Variants in KCNH1 observed in about 807,000 individuals in gnomAD.
KCNH1 encodes potassium voltage-gated channel subfamily H member 1, also known as voltage-gated delayed rectifier potassium channel KCNH1.
In KCNH1, 27 loss-of-function variants were observed where a neutral mutation model predicts 69.2. The ratio of observed to expected loss-of-function variants is 0.39; its 90% CI spans 0.29 to 0.54. KCNH1 has a LOEUF of 0.54. KCNH1 is among the 20% of genes least tolerant of loss of function. KCNH1 has a pLI of 0.68. For missense variants in KCNH1, 798 were observed against 1,261.6 expected, an observed-to-expected ratio of 0.63 and a Z score of 5.57; for synonymous variants, 456 against 487.7, an observed-to-expected ratio of 0.93 and a Z score of 0.86.
At chr1:211,120,032 T>A (rs1390748077) in intron 1 of KCNH1, among the ~76,000 whole-genome samples, 1 of 152,172 alleles carries the variant, frequency 6.6e-6, no homozygotes, top group Admixed American at 6.5e-5. Flanking sequence ...GAAAATGTGT[T>A]GAAATATAGA....
At chr1:210,722,469 A>G (rs577077823) in intron 10 of KCNH1, among the ~76,000 whole-genome samples, 12 of 152,310 alleles carry the variant, frequency 7.9e-5, no homozygotes, top group African/African-American at 2.4e-4. Context: ...GCCAGAACTC[A>G]TGAGAAGGGA....
intron 10 of KCNH1, among the ~76,000 whole-genome samples, chr1:210,732,979 G>A (rs985393891): frequency 6.6e-6 from 1 of 152,184 alleles, no homozygotes. Flanking sequence ...GTCGTTGAGA[G>A]CCCAGGGCAC....
chr1:210,691,454 GAGTA>G (rs760802854), intron 10 of KCNH1, among the ~76,000 whole-genome samples: 1 of 152,270 alleles, frequency 6.6e-6, no homozygotes, highest in South Asian at 2.1e-4. Context: ...AGTGTAGAAA[GAGTA>G]AGTGACTACC....
At chr1:211,116,892 A>G (rs1571660482) in intron 1 of KCNH1, among the ~76,000 whole-genome samples, 1 of 152,176 alleles carries the variant, frequency 6.6e-6, no homozygotes, top group South Asian at 2.1e-4. Context: ...CTAATCCAAT[A>G]TAATAGTAAT....
intron 7 of KCNH1, among the ~76,000 whole-genome samples, chr1:210,892,444 G>A (rs1000332548): frequency 5.3e-5 from 8 of 151,950 alleles, no homozygotes; most frequent in Non-Finnish European, 1.0e-4. Context: ...CAACAGCAAA[G>A]CCTTCCTTGT....
At chr1:210,995,795 T>G (rs1689021288) in intron 6 of KCNH1, among the ~76,000 whole-genome samples, 1 of 152,216 alleles carries the variant, frequency 6.6e-6, no homozygotes, top group Non-Finnish European at 1.5e-5. Flanking sequence ...TTCATGTTTC[T>G]CAGCTTTTGG....
chr1:211,027,213 A>G (rs938895761), intron 5 of KCNH1, among the ~76,000 whole-genome samples: 4 of 152,220 alleles, frequency 2.6e-5, no homozygotes, highest in African/African-American at 4.8e-5. Flanking sequence ...TTTGAAACAA[A>G]TAGAAAGTCT....
intron 10 of KCNH1, among the ~76,000 whole-genome samples, chr1:210,721,292 C>T (rs1391930351): frequency 6.6e-6 from 1 of 152,146 alleles, no homozygotes; most frequent in Non-Finnish European, 1.5e-5. Context: ...TGCTGTAGCT[C>T]TTGGCCACCT....
At chr1:210,949,451 C>T (rs1369812672) in intron 6 of KCNH1, among the ~76,000 whole-genome samples, 1 of 152,190 alleles carries the variant, frequency 6.6e-6, no homozygotes, top group Admixed American at 6.5e-5. Flanking sequence ...GAGATTACCC[C>T]TTTGCTTTAT....
In KCNH1 at chr1:211,105,882, C is replaced by T. The variant is rs150662144; in HGVS notation, c.203+1372G>A. On this transcript the variant is annotated intron_variant, in intron 2 of 10. Transcript: ENST00000271751. ...GAATTATAATGTCTAAACCTTTGAA[C>T]ATTTGAGGGAAGAATCTTCAATTTT... Among the ~76,000 whole-genome samples, 48 of 152,204 alleles carry T rather than the reference C, an allele frequency of 3.2e-4. 1 individual carries two copies. In the East Asian group the frequency reaches 9.1e-3, roughly 29 times the overall value.
In KCNH1 at chr1:210,861,173, T is replaced by C. The variant is rs921275110; in HGVS notation, c.1463-57007A>G. 4.2e-6 allele frequency: 4 copies of C among 955,836 alleles called. No individual in the cohort carries two copies. The African/African-American group carries it at 6.4e-5, about 15-fold the overall frequency. 59.2% of individuals were successfully genotyped at this position (955,836 alleles called of 1,614,324 possible). A position where few individuals can be genotyped will look rare whatever the true frequency, so the allele number is the denominator to read the frequency against. ...GCGTATATACTCGTAAGGGTCTTCTTCCCAAAGTTCCTCATCAGCATCTGT... is the reference window on the plus strand; with the variant it reads ...GCGTATATACTCGTAAGGGTCTTCTCCCCAAAGTTCCTCATCAGCATCTGT... On this transcript the variant is annotated intron_variant, in intron 7 of 10. Coordinates refer to ENST00000271751, the MANE Select transcript of KCNH1 (RefSeq NM_172362.3).
intron 5 of KCNH1, among the ~76,000 whole-genome samples, chr1:211,074,994 G>T (rs938395634): frequency 2.6e-5 from 4 of 152,186 alleles, no homozygotes; most frequent in Admixed American, 2.6e-4. Flanking sequence ...GACTGATACA[G>T]TTAGCTACGT....
At chr1:211,075,740 G>T (rs1166422556) in intron 5 of KCNH1, among the ~76,000 whole-genome samples, 1 of 152,192 alleles carries the variant, frequency 6.6e-6, no homozygotes, top group Non-Finnish European at 1.5e-5. Context: ...TGGACAGTGG[G>T]TGCAGCCCAC....
intron 10 of KCNH1, among the ~76,000 whole-genome samples, chr1:210,761,882 C>T (rs1266091422): frequency 6.6e-6 from 1 of 152,158 alleles, no homozygotes; most frequent in East Asian, 1.9e-4. Context: ...AAATTTGGTA[C>T]TCGACCAATC....
intron 10 of KCNH1, among the ~76,000 whole-genome samples, chr1:210,744,374 G>A (rs527615096): frequency 8.5e-5 from 13 of 152,276 alleles, no homozygotes; most frequent in East Asian, 3.9e-4. Flanking sequence ...AGCCGGACAC[G>A]GTGGCTCACG....
At chr1:210,817,242 C>G (rs1684836430) in intron 7 of KCNH1, among the ~76,000 whole-genome samples, 1 of 152,200 alleles carries the variant, frequency 6.6e-6, no homozygotes, top group Admixed American at 6.5e-5. Context: ...TCTGACAAAA[C>G]TATTCATTTT....
At chr1:211,057,416 G>A (rs893073303) in intron 5 of KCNH1, among the ~76,000 whole-genome samples, 6 of 152,088 alleles carry the variant, frequency 3.9e-5, no homozygotes, top group Non-Finnish European at 2.9e-5. Flanking sequence ...CAGGCAGATC[G>A]CTTGAGCCCA....
chr1:210,899,808 G>A (rs1320711954), intron 7 of KCNH1, among the ~76,000 whole-genome samples: 2 of 152,172 alleles, frequency 1.3e-5, no homozygotes, highest in Non-Finnish European at 2.9e-5. Flanking sequence ...TCTTGCCCAA[G>A]GTCTCACAGC....
chr1:210,839,338 T>C (rs1032959333), intron 7 of KCNH1, among the ~76,000 whole-genome samples: 4 of 152,146 alleles, frequency 2.6e-5, no homozygotes, highest in Non-Finnish European at 4.4e-5. Context: ...ATGTTCTCAC[T>C]TATAAGTGGG....
Sources: gnomAD v4.1 joint callset for allele counts (sites outside exome capture counted in the v4.1 genomes callset) on GRCh38, gnomAD v4.1.1 for gene constraint, MANE v1.5 for transcripts, NCBI Gene and HGNC (gene_info 2026-07-23, HGNC 2026-07-21) for gene names.